LRRFIP1: variants seen among roughly 807,000 people sequenced by gnomAD.
LRRFIP1 encodes the protein LRR binding FLII interacting protein 1.
In LRRFIP1, 62 loss-of-function variants were observed where a neutral mutation model predicts 104.4. The observed-to-expected ratio is 0.59, with a 90% CI of 0.48 to 0.73. The LOEUF is 0.73. Among genes scored for constraint, LRRFIP1 ranks in the 30% least tolerant of loss-of-function variants. LRRFIP1 has a pLI of 0.00. For synonymous variants in LRRFIP1, 300 were observed against 299.0 expected, an observed-to-expected ratio of 1.00 and a Z score of -0.03; for missense variants, 796 against 824.5, an observed-to-expected ratio of 0.97 and a Z score of 0.42.
intron 21 of LRRFIP1, chr2:237,772,566 T>G: frequency 2.0e-6 from 1 of 498,320 alleles, no homozygotes; most frequent in Non-Finnish European, 3.5e-6. Flanking sequence ...GATAAAATTA[T>G]GCCCAGTCTC....
chr2:237,781,169 A>C lies in LRRFIP1; in HGVS notation c.*1637A>C, dbSNP rs990006194. Reference sequence around the variant, plus strand: ...GGTTTCTTCCACAACATCTGAATACAAGCATGTTTAACTGGGAAAATGTCT... The same window carrying C: ...GGTTTCTTCCACAACATCTGAATACCAGCATGTTTAACTGGGAAAATGTCT... On this transcript the variant is annotated 3_prime_UTR_variant, in exon 24 of 24. Transcript: ENST00000308482. Among the ~76,000 whole-genome samples, 3 of 152,272 alleles carry C rather than the reference A, an allele frequency of 2.0e-5. No homozygotes were observed. The highest frequency in any genetic ancestry group is 2.9e-5 in the Non-Finnish European group (2 of 68,046).
rs572868744 is a variant in LRRFIP1 at position 237,681,398 on chromosome 2, G to A, written c.97-27146G>A. 4.5e-4 allele frequency among the ~76,000 whole-genome samples: 69 copies of A among 151,874 alleles called. 1 individual carries two copies. In the South Asian group the frequency reaches 0.012, roughly 27 times the overall value. On this transcript the variant is annotated intron_variant, in intron 1 of 23. Transcript: ENST00000308482. ...TTTTTCTTTTTTGAGATGGAGTCTC[G>A]TTCTGTGACCCAGGCTGGAGTACAG...
At chr2:237,659,292 C>G (rs1002314325) in intron 1 of LRRFIP1, among the ~76,000 whole-genome samples, 1 of 151,600 alleles carries the variant, frequency 6.6e-6, no homozygotes, top group African/African-American at 2.4e-5. Flanking sequence ...GATGATGTCT[C>G]CCTATGTTGC....
At chr2:237,770,869 C>T (rs1400596142) in intron 20 of LRRFIP1, 3 of 152,284 alleles carry the variant, frequency 2.0e-5, no homozygotes, top group African/African-American at 7.2e-5. Flanking sequence ...ACTCTACAAC[C>T]ACTTTCCTCT....
chr2:237,643,173 T>C (rs1296335967), intron 1 of LRRFIP1, among the ~76,000 whole-genome samples: 5 of 152,276 alleles, frequency 3.3e-5, no homozygotes, highest in Non-Finnish European at 5.9e-5. Context: ...TGCAGCAGTG[T>C]GCTCATGGGC....
In LRRFIP1 at chr2:237,714,278, T is replaced by C; in HGVS notation, c.201+2T>C. 6.3e-7 allele frequency: 1 copy of C among 1,599,974 alleles called. No homozygotes were observed. The highest frequency in any genetic ancestry group is 8.5e-7 in the Non-Finnish European group (1 of 1,170,340). ...CTATAGATCTATCAGGTCCAAAAGG[T>C]AGGCTCTTCTTTCTTTATTTTCTAA... is the stretch of plus-strand genomic sequence containing the variant. On this transcript the variant is annotated splice_donor_variant, in intron 3 of 23. Transcript: ENST00000308482. LOFTEE classifies it high-confidence loss of function.
At chr2:237,634,631 G>T (rs536064597) in intron 1 of LRRFIP1, among the ~76,000 whole-genome samples, 1 of 152,296 alleles carries the variant, frequency 6.6e-6, no homozygotes, top group East Asian at 1.9e-4. Context: ...CATAGTAAAT[G>T]CTCAGTAAAT....
chr2:237,770,038 G>GA lies in LRRFIP1; in HGVS notation c.1509+49dup, dbSNP rs1295951652. 4 of 1,445,998 alleles carry GA rather than the reference G, an allele frequency of 2.8e-6. No homozygotes were observed. The African/African-American group carries it at 5.6e-5, about 20-fold the overall frequency. The allele number at this position is 1,445,998 out of a possible 1,614,324, so 89.6% of individuals were successfully genotyped here. On this transcript the variant is annotated intron_variant, in intron 20 of 23. Transcript: ENST00000308482. ...TTACCGGTTCATGAACAGGGCACCT[G>GA]AAACCACCTGCCCATCCTTCCTTCT...
chr2:237,644,067 T>C (rs2149340462), intron 1 of LRRFIP1, among the ~76,000 whole-genome samples: 1 of 152,350 alleles, frequency 6.6e-6, no homozygotes, highest in African/African-American at 2.4e-5. Flanking sequence ...GTTCCTTGTT[T>C]TTATGGTTTT....
Position 237,766,768 on chromosome 2 carries a change from C to T in LRRFIP1, c.1460-3175C>T, listed in dbSNP as rs74001290. ...AGTTCTGAGCAGCCAAACCATTTCT[C>T]GATGATTTCAGAGCCTTCATTCTGA... On this transcript the variant is annotated intron_variant, in intron 19 of 23. Coordinates refer to ENST00000308482, the MANE Select transcript of LRRFIP1 (RefSeq NM_001137550.2). The surrounding 1 kb of genome is among the most constrained non-coding windows in gnomAD (Gnocchi z 4.8). Among the ~76,000 whole-genome samples the T allele has an allele frequency of 3.4e-3, 511 of 152,314 alleles. 3 individuals carry two copies. The highest frequency in any genetic ancestry group is 0.012 in the African/African-American group (486 of 41,576).
intron 1 of LRRFIP1, among the ~76,000 whole-genome samples, chr2:237,654,427 T>C: frequency 6.6e-6 from 1 of 152,208 alleles, no homozygotes; most frequent in Admixed American, 6.5e-5. Flanking sequence ...TGTAAATCAG[T>C]ACAGCCATTG....
chr2:237,715,721 T>C (rs942339795), intron 3 of LRRFIP1, among the ~76,000 whole-genome samples: 3 of 152,210 alleles, frequency 2.0e-5, no homozygotes, highest in African/African-American at 7.2e-5. Flanking sequence ...GAACAGTTTC[T>C]CTGGAATCAA....
chr2:237,720,942 A>G, intron 6 of LRRFIP1, 120 bp downstream of exon 6: 1 of 839,038 alleles, frequency 1.2e-6, no homozygotes, highest in Non-Finnish European at 2.0e-6. Flanking sequence ...TCAATATTTA[A>G]CCGATGAGAT....
Position 237,766,176 on chromosome 2 carries a change from C to G in LRRFIP1, c.1460-3767C>G, listed in dbSNP as rs2060241783. Among the ~76,000 whole-genome samples, 2 of 152,352 alleles carry G rather than the reference C, an allele frequency of 1.3e-5. No individual in the cohort carries two copies. Among genetic ancestry groups the G allele is most frequent in the African/African-American group, 4.8e-5 (2 of 41,578 alleles). On this transcript the variant is annotated intron_variant, in intron 19 of 23. Coordinates refer to ENST00000308482, the MANE Select transcript of LRRFIP1 (RefSeq NM_001137550.2). This position sits in a 1 kb window ranked among gnomAD's most constrained non-coding sequence, Gnocchi z 4.8. ...GATCTGTGGTTCTGATGTGCAGCCTCAGCTGAAAACGGTCTTCACCTGTGG... is the reference window on the plus strand; with the variant it reads ...GATCTGTGGTTCTGATGTGCAGCCTGAGCTGAAAACGGTCTTCACCTGTGG...
chr2:237,753,281 T>C (rs752357358), intron 14 of LRRFIP1, 28 bp from the exon 15 acceptor site: 9 of 1,539,078 alleles, frequency 5.8e-6, no homozygotes, highest in Non-Finnish European at 7.8e-6. Flanking sequence ...TTTATTGCAA[T>C]TTCAAAAATA....
At chr2:237,765,895 A>C in intron 19 of LRRFIP1, 1 of 985,088 alleles carries the variant, frequency 1.0e-6, no homozygotes, top group Non-Finnish European at 1.2e-6. Context: ...ATTGAAATAA[A>C]AACATTTTAT....
chr2:237,687,084 C>T (rs370996459), intron 1 of LRRFIP1, among the ~76,000 whole-genome samples: 13 of 152,328 alleles, frequency 8.5e-5, no homozygotes, highest in Middle Eastern at 3.4e-3. Context: ...CTGCGTCAGG[C>T]GGCGTGCCGC....
chr2:237,772,629 G>T (rs1268648414), intron 21 of LRRFIP1: 7 of 574,224 alleles, frequency 1.2e-5, no homozygotes, highest in Non-Finnish European at 1.8e-5. Context: ...TCACTCATAG[G>T]CACTCTCTTG....
chr2:237,762,031 G>C (rs1313691142), intron 19 of LRRFIP1, among the ~76,000 whole-genome samples: 1 of 152,230 alleles, frequency 6.6e-6, no homozygotes, highest in Non-Finnish European at 1.5e-5. Flanking sequence ...GAAAACAATA[G>C]TTGAGTGGCA....
Sources: allele counts gnomAD v4.1 joint callset (sites outside exome capture counted in the v4.1 genomes callset), GRCh38; gene constraint gnomAD v4.1.1; non-coding constraint Gnocchi (gnomAD v3.1); transcripts MANE v1.5; gene names NCBI Gene and HGNC (gene_info 2026-07-23, HGNC 2026-07-21).